UPP2: variants seen among roughly 807,000 people sequenced by gnomAD.
The protein encoded by UPP2 is UPase 2.
Under a neutral mutation model 26.7 loss-of-function variants are expected in UPP2, and 23 were observed. The observed-to-expected ratio is 0.86, with a 90% CI of 0.62 to 1.22. The LOEUF is 1.22. UPP2 is among the 50% of genes most tolerant of loss of function. UPP2 has a pLI of 0.00. For synonymous variants in UPP2, 127 were observed against 141.3 expected, an observed-to-expected ratio of 0.90 and a Z score of 0.72; for missense variants, 387 against 396.7, an observed-to-expected ratio of 0.98 and a Z score of 0.21.
intron 3 of UPP2, among the ~76,000 whole-genome samples, chr2:158,025,056 C>A (rs1683812613): frequency 6.6e-6 from 1 of 151,862 alleles, no homozygotes; most frequent in African/African-American, 2.4e-5. Flanking sequence ...TAAAAATTAG[C>A]CAGGCATGAT....
intron 3 of UPP2, among the ~76,000 whole-genome samples, chr2:158,085,160 A>G (rs1035312501): frequency 6.6e-6 from 1 of 151,510 alleles, no homozygotes; most frequent in East Asian, 1.9e-4. Flanking sequence ...TTTGTCTATG[A>G]TTTTTTTCAG....
chr2:158,117,037 C>G (rs983945124), intron 3 of UPP2, among the ~76,000 whole-genome samples: 1 of 152,124 alleles, frequency 6.6e-6, no homozygotes, highest in African/African-American at 2.4e-5. Flanking sequence ...CATTGAAGAG[C>G]ACATTTGACT....
intron 2 of UPP2, among the ~76,000 whole-genome samples, chr2:158,109,279 A>G (rs1350237722): frequency 2.0e-5 from 3 of 151,936 alleles, no homozygotes; most frequent in Admixed American, 6.6e-5. Flanking sequence ...GAAACTTCAG[A>G]CTCCAGCAAT....
At chr2:158,019,553 T>C (rs1683715073) in intron 3 of UPP2, among the ~76,000 whole-genome samples, 1 of 151,936 alleles carries the variant, frequency 6.6e-6, no homozygotes, top group Admixed American at 6.6e-5. Flanking sequence ...TAAAGAATTA[T>C]TGAAAATTCT....
chr2:158,011,235 G>A (rs1382462684), intron 2 of UPP2, among the ~76,000 whole-genome samples: 1 of 152,206 alleles, frequency 6.6e-6, no homozygotes, highest in African/African-American at 2.4e-5. Flanking sequence ...TCAGAAGAAT[G>A]CGAAGGTAAT....
At chr2:158,123,339 G>C (rs1304403427) in intron 5 of UPP2, among the ~76,000 whole-genome samples, 2 of 143,444 alleles carry the variant, frequency 1.4e-5, no homozygotes, top group African/African-American at 5.3e-5. Flanking sequence ...AAGTAGCTTA[G>C]CATCATCGAA....
chr2:158,087,933 T>C (rs1345847646), intron 3 of UPP2, among the ~76,000 whole-genome samples: 3 of 152,240 alleles, frequency 2.0e-5, no homozygotes, highest in Non-Finnish European at 4.4e-5. Flanking sequence ...TCCTTCATCT[T>C]GACTTTAGAA....
chr2:158,065,795 G>A, intron 3 of UPP2: 1 of 701,080 alleles, frequency 1.4e-6, no homozygotes, highest in South Asian at 1.5e-5. Context: ...TTGATGACTG[G>A]TTAAGTCTTG....
At chr2:158,012,139 T>G (rs1035626701) in intron 2 of UPP2, among the ~76,000 whole-genome samples, 1 of 151,962 alleles carries the variant, frequency 6.6e-6, no homozygotes, top group African/African-American at 2.4e-5. Flanking sequence ...CATAGACCAG[T>G]ACATGTAAGC....
Position 158,117,851 on chromosome 2 carries a change from A to G in UPP2, c.367A>G (p.Ile123Val), listed in dbSNP as rs1285968866. The stretch of plus-strand genomic sequence containing the variant: ...CGGCATGGGCATCCCCTCCATTTCT[A>G]TTATGCTTCATGAACTCATCAAATT... ...SHGMGIPSIS[I>V]MLHELIKLLH... Residue 123 changes from isoleucine to valine, a missense_variant, in exon 4 of 7, where the codon ATT (isoleucine) becomes GTT (valine). Physicochemically the swap from Ile to Val is conservative, Grantham distance 29. Coordinates refer to ENST00000005756, the MANE Select transcript of UPP2 (RefSeq NM_173355.4). The G allele has an allele frequency of 1.9e-6, 3 of 1,612,772 alleles. No homozygotes were observed. The highest frequency in any genetic ancestry group is 1.1e-5 in the South Asian group (1 of 91,052).
upstream of UPP2, among the ~76,000 whole-genome samples, chr2:158,099,917 T>C (rs114722978): frequency 0.012 from 1,753 of 152,302 alleles, 35 homozygotes; most frequent in African/African-American, 0.039. Flanking sequence ...TCATGGGCTG[T>C]GCCTGGCACA....
chr2:158,119,014 T>A (rs1489142481), intron 4 of UPP2, among the ~76,000 whole-genome samples: 2 of 152,036 alleles, frequency 1.3e-5, no homozygotes, highest in Non-Finnish European at 2.9e-5. Context: ...TAGCAATAAG[T>A]GTCAGATCAG....
At chr2:158,049,127 G>A (rs1380353729) in intron 3 of UPP2, among the ~76,000 whole-genome samples, 1 of 152,158 alleles carries the variant, frequency 6.6e-6, no homozygotes, top group Non-Finnish European at 1.5e-5. Flanking sequence ...GCCTTACTAG[G>A]TGATTCTTAC....
intron 3 of UPP2, among the ~76,000 whole-genome samples, chr2:158,031,562 C>G (rs1035924581): frequency 6.6e-6 from 1 of 152,152 alleles, no homozygotes; most frequent in African/African-American, 2.4e-5. Context: ...TCTCCAGGAC[C>G]GCTGAGGTTC....
At chr2:158,119,413 A>T (rs76545019) in intron 4 of UPP2, among the ~76,000 whole-genome samples, 4 of 152,042 alleles carry the variant, frequency 2.6e-5, no homozygotes, top group Non-Finnish European at 5.9e-5. Flanking sequence ...TAGCTTACCA[A>T]AAAGATGTAT....
chr2:158,028,289 T>C (rs1054066089), intron 3 of UPP2, among the ~76,000 whole-genome samples: 2 of 152,202 alleles, frequency 1.3e-5, no homozygotes, highest in Non-Finnish European at 2.9e-5. Context: ...GCTTAGAAGT[T>C]TCTTCCACCA....
At chr2:158,123,446 C>T (rs953692574) in intron 5 of UPP2, among the ~76,000 whole-genome samples, 1 of 152,182 alleles carries the variant, frequency 6.6e-6, no homozygotes, top group Non-Finnish European at 1.5e-5. Flanking sequence ...CACAGCAACC[C>T]CCCGCTTCCT....
chr2:158,013,346 G>A (rs1683609948), intron 2 of UPP2, among the ~76,000 whole-genome samples: 1 of 152,132 alleles, frequency 6.6e-6, no homozygotes, highest in Non-Finnish European at 1.5e-5. Context: ...TGGACATGAG[G>A]ATGCATTAAA....
chr2:158,124,886 G>C (rs1683659333), intron 6 of UPP2, among the ~76,000 whole-genome samples: 1 of 152,198 alleles, frequency 6.6e-6, no homozygotes. Context: ...GGCCAAGCAA[G>C]CAGGTGAATT....
Sources: gnomAD v4.1 joint callset for allele counts (sites outside exome capture counted in the v4.1 genomes callset) on GRCh38, gnomAD v4.1.1 for gene constraint, MANE v1.5 for transcripts, NCBI Gene and HGNC (gene_info 2026-07-23, HGNC 2026-07-21) for gene names.